DNAH17: variants seen among roughly 807,000 people sequenced by gnomAD.
DNAH17 encodes the protein axonemal beta dynein heavy chain 17.
A neutral mutation model predicts 485.6 loss-of-function variants in DNAH17; 376 were observed. The observed-to-expected ratio is 0.77, with a 90% CI of 0.71 to 0.84. The LOEUF is 0.84. Ranked by LOEUF, DNAH17 falls within the 40% of genes least tolerant of loss-of-function variation. The pLI, the probability that DNAH17 is intolerant of heterozygous loss-of-function variation, is 0.00. For missense variants in DNAH17, 6,370 were observed against 5,839.3 expected (o/e 1.09, Z -2.96); for synonymous variants, 3,031 against 2,405.9 (o/e 1.26, Z -7.60).
intron 48 of DNAH17, among the ~76,000 whole-genome samples, chr17:78,484,094 T>A (rs1460449587): frequency 3.3e-5 from 1 of 30,406 alleles, no homozygotes. Context: ...AGATTTCTCC[T>A]CAAAAAAAAA....
chr17:78,539,668 T>C (rs1367700011), intron 18 of DNAH17, 69 bp downstream of exon 18: 2 of 1,315,628 alleles, frequency 1.5e-6, no homozygotes, highest in East Asian at 2.7e-5. Flanking sequence ...ATCAAGAAAC[T>C]AGAAACTATA....
chr17:78,499,182 C>T, intron 36 of DNAH17, 70 bp from the exon 37 acceptor site: 1 of 1,099,212 alleles, frequency 9.1e-7, no homozygotes, highest in South Asian at 1.7e-5. Flanking sequence ...GCAGGGGCCT[C>T]CCCCTGCCTC....
At chr17:78,436,234 G>C (rs1253889270) in intron 74 of DNAH17, among the ~76,000 whole-genome samples, 2 of 151,918 alleles carry the variant, frequency 1.3e-5, no homozygotes, top group Admixed American at 1.3e-4. Context: ...TAAGGCCAGC[G>C]TGGCCAACAT....
At chr17:78,528,411 T>C (rs1027980751) in intron 22 of DNAH17, among the ~76,000 whole-genome samples, 5 of 152,100 alleles carry the variant, frequency 3.3e-5, no homozygotes, top group African/African-American at 1.2e-4. Flanking sequence ...TGCGCCACCA[T>C]GCCTGGCTAA....
At chr17:78,487,162 G>A (rs1190442339) in intron 44 of DNAH17, among the ~76,000 whole-genome samples, 1 of 152,160 alleles carries the variant, frequency 6.6e-6, no homozygotes, top group Admixed American at 6.5e-5. Context: ...TGAGGGGTGT[G>A]GACTCTGGGG....
At position 78,455,703 on chromosome 17, in the gene DNAH17, T is replaced by G; in HGVS notation, c.10111A>C (p.Lys3371Gln). 1 of 1,596,914 alleles carries G rather than the reference T, an allele frequency of 6.3e-7. No individual in the cohort carries two copies. The highest frequency in any genetic ancestry group is 1.1e-5 in the South Asian group (1 of 87,840). Reference sequence around the variant, plus strand: ...TCCATCAGCTCATTCCGGTATTTCTTGGTGAAGTAGCCCACGTAGGACACG... The same window carrying G: ...TCCATCAGCTCATTCCGGTATTTCTGGGTGAAGTAGCCCACGTAGGACACG... ...AFVSYVGYFTKKYRNELMEKF... is the reference protein window; with the variant it reads ...AFVSYVGYFTQKYRNELMEKF... The change falls in exon 63 of 81, where the codon AAG becomes CAG. Residue 3371 changes from lysine to glutamine, a missense_variant. Physicochemically the swap from Lys to Gln is moderately conservative, Grantham distance 53. Coordinates refer to ENST00000389840, the MANE Select transcript of DNAH17 (RefSeq NM_173628.4).
intron 19 of DNAH17, among the ~76,000 whole-genome samples, chr17:78,536,181 T>C (rs2091368485): frequency 6.6e-6 from 1 of 152,150 alleles, no homozygotes; most frequent in Admixed American, 6.6e-5. Context: ...GGCTCACACC[T>C]GTAATCCCAG....
rs916971928 is a variant in DNAH17 at position 78,468,530 on chromosome 17, T to G, written c.8778+87A>C. 2.1e-5 allele frequency: 30 copies of G among 1,458,010 alleles called. No homozygotes were observed. In the African/African-American group the frequency reaches 3.8e-4, roughly 19 times the overall value. 90.3% of individuals were successfully genotyped at this position (1,458,010 alleles called of 1,614,324 possible). The stretch of plus-strand genomic sequence containing the variant: ...ACATCCCATGAAGGATCAGTCCTCC[T>G]GCTCTATGCAGAGCAAAAACCCATA... On this transcript the variant is annotated intron_variant, in intron 55 of 80. Coordinates refer to ENST00000389840, the MANE Select transcript of DNAH17 (RefSeq NM_173628.4).
At chr17:78,575,632 C>T (rs2092423253) in intron 1 of DNAH17, among the ~76,000 whole-genome samples, 1 of 152,168 alleles carries the variant, frequency 6.6e-6, no homozygotes, top group Admixed American at 6.5e-5. Flanking sequence ...TTTCTCCCTC[C>T]AGCCCCCAGC....
intron 56 of DNAH17, among the ~76,000 whole-genome samples, chr17:78,466,302 G>A (rs566911070): frequency 8.7e-4 from 133 of 152,302 alleles, no homozygotes; most frequent in African/African-American, 3.0e-3. Context: ...GCCGAAGGCC[G>A]GAAGGCCTCA....
rs764518268 is a variant in DNAH17, at chr17:78,507,233, A to AT, written c.4676+44dup. ...TTCCGTCAGACTTAAGACTTAGGGA[A>AT]TCTGCACCACTGACTCCCCTGGTCT... is the stretch of plus-strand genomic sequence containing the variant. On this transcript the variant is annotated intron_variant, in intron 29 of 80. Coordinates refer to ENST00000389840, the MANE Select transcript of DNAH17 (RefSeq NM_173628.4). The AT allele has an allele frequency of 1.9e-5, 30 of 1,601,116 alleles. No homozygotes were observed. The African/African-American group carries it at 3.8e-4, about 20-fold the overall frequency.
At chr17:78,550,917 T>A (rs2091888005) in intron 16 of DNAH17, among the ~76,000 whole-genome samples, 1 of 152,170 alleles carries the variant, frequency 6.6e-6, no homozygotes, top group South Asian at 2.1e-4. Context: ...ATTATTCCCG[T>A]CAATTGAAAA....
At chr17:78,441,388 C>T (rs1478188503) in intron 71 of DNAH17, among the ~76,000 whole-genome samples, 189 bp from the exon 72 acceptor site, 7 of 152,138 alleles carry the variant, frequency 4.6e-5, no homozygotes, top group Admixed American at 4.6e-4. Flanking sequence ...CCTTGTTTGC[C>T]TCGGGCACCC....
At chr17:78,486,986 CTTTTTT>C (rs200078316) in intron 44 of DNAH17, among the ~76,000 whole-genome samples, 2 of 128,570 alleles carry the variant, frequency 1.6e-5, no homozygotes, top group Non-Finnish European at 3.3e-5. Context: ...CCCCTTGGTG[CTTTTTT>C]TTTTTTTTTT....
At chr17:78,471,325 AAGCAGGTGGGC>A (rs147130274) in intron 54 of DNAH17, among the ~76,000 whole-genome samples, 1,821 of 152,296 alleles carry the variant, frequency 0.012, 38 homozygotes, top group African/African-American at 0.042. Context: ...GAGCCTGGAA[AAGCAGGTGGGC>A]AGCAGGTGGG....
chr17:78,456,912 C>A (rs2087828263), intron 62 of DNAH17, among the ~76,000 whole-genome samples: 1 of 152,212 alleles, frequency 6.6e-6, no homozygotes, highest in Admixed American at 6.5e-5. Context: ...ACACAGCTTG[C>A]AGGCCTGGAA....
rs7215128 is a variant in DNAH17, at chr17:78,569,135, G to C, written c.1284+31C>G. On this transcript the variant is annotated intron_variant, in intron 9 of 80. Transcript: ENST00000389840. ...TAGGGTAGGAGCAGTCTGGGAAGTG[G>C]AGGTCAAGATGCACCGAGTTCTGTT... 0.016 allele frequency: 24,253 copies of C among 1,533,572 alleles called. 315 individuals carry two copies. Among genetic ancestry groups the C allele is most frequent in the African/African-American group, 0.055 (4,036 of 73,228 alleles). The allele number at this position is 1,533,572 out of a possible 1,614,324, so 95.0% of individuals were successfully genotyped here.
In DNAH17 at chr17:78,501,858, C is replaced by A; in HGVS notation, c.5206G>T (p.Val1736Leu). 6.2e-7 allele frequency: 1 copy of A among 1,614,018 alleles called. No individual in the cohort carries two copies. The highest frequency in any genetic ancestry group is 8.5e-7 in the Non-Finnish European group (1 of 1,179,894). The part of the protein sequence containing the change: ...YNKKQISQLN[V>L]LITLLMGNLN... The stretch of plus-strand genomic sequence containing the variant: ...TTCCCCATGAGCAGCGTGATGAGTA[C>A]GTTCAGCTGGCTAATCTGCGGGGGA... Residue 1736 changes from valine (V) to leucine (L), a missense_variant, in exon 34 of 81, where the codon GTA (valine) becomes TTA (leucine). Val to Leu is a conservative substitution (Grantham distance 32). Transcript: ENST00000389840.
chr17:78,426,433 CCT>C, intron 79 of DNAH17, 22 bp downstream of exon 79: 1 of 1,571,366 alleles, frequency 6.4e-7, no homozygotes, highest in Middle Eastern at 1.7e-4. Flanking sequence ...TCTTAGGAAG[CCT>C]CTCAGAGAAA....
Sources: gnomAD v4.1 joint callset for allele counts (sites outside exome capture counted in the v4.1 genomes callset) on GRCh38, gnomAD v4.1.1 for gene constraint, MANE v1.5 for transcripts, NCBI Gene and HGNC (gene_info 2026-07-23, HGNC 2026-07-21) for gene names.